Variants in ROBO2 observed in about 807,000 individuals in gnomAD.
ROBO2 encodes roundabout homolog 2.
ROBO2 carries 53 observed loss-of-function variants against 160.8 expected under a neutral mutation model. The observed-to-expected ratio is 0.33, with a 90% confidence interval of 0.26 to 0.41. The LOEUF (loss-of-function observed/expected upper bound fraction) is 0.41. Among genes scored for constraint, ROBO2 ranks in the 10% least tolerant of loss-of-function variants. ROBO2 has a pLI of 1.00. For missense variants in ROBO2, 1,577 were observed against 1,722.4 expected (o/e 0.92, Z 1.49); for synonymous variants, 664 against 611.7 (o/e 1.09, Z -1.26).
chr3:76,049,766 G>A (rs1380779945), intron 2 of ROBO2, among the ~76,000 whole-genome samples: 3 of 152,038 alleles, frequency 2.0e-5, no homozygotes, highest in Admixed American at 2.0e-4. Flanking sequence ...AGGAAGATAT[G>A]TGTGTGTCCC....
At chr3:77,471,112 T>A (rs996012635) in intron 2 of ROBO2, among the ~76,000 whole-genome samples, 5 of 152,252 alleles carry the variant, frequency 3.3e-5, no homozygotes, top group African/African-American at 1.2e-4. Flanking sequence ...TGGGATCATG[T>A]GCACATTGTG....
chr3:77,433,792 T>A (rs545283989), intron 2 of ROBO2, among the ~76,000 whole-genome samples: 1 of 152,106 alleles, frequency 6.6e-6, no homozygotes, highest in East Asian at 1.9e-4. Flanking sequence ...ACTGTCTCAG[T>A]AAATACATCC....
intron 1 of ROBO2, among the ~76,000 whole-genome samples, chr3:77,059,060 G>C (rs2066033486): frequency 6.6e-6 from 1 of 152,120 alleles, no homozygotes. Context: ...GAATTTTTAA[G>C]TATTATGAAA....
At chr3:75,954,584 C>A (rs913516576) in intron 2 of ROBO2, among the ~76,000 whole-genome samples, 12 of 151,952 alleles carry the variant, frequency 7.9e-5, no homozygotes, top group African/African-American at 2.9e-4. Context: ...CACAGTCTTA[C>A]ATCACATCAC....
intron 2 of ROBO2, among the ~76,000 whole-genome samples, chr3:77,278,465 A>C (rs1445592370): frequency 6.6e-6 from 1 of 152,180 alleles, no homozygotes; most frequent in African/African-American, 2.4e-5. Context: ...CAATTTTATG[A>C]ATTAGGCTAA....
At chr3:76,710,896 T>A (rs527343518) in intron 2 of ROBO2, among the ~76,000 whole-genome samples, 1 of 152,292 alleles carries the variant, frequency 6.6e-6, no homozygotes, top group Admixed American at 6.5e-5. Flanking sequence ...AGAAAGTAGT[T>A]CACGGCTAGC....
chr3:76,662,418 C>T (rs190238215), intron 2 of ROBO2, among the ~76,000 whole-genome samples: 107 of 151,964 alleles, frequency 7.0e-4, no homozygotes, highest in Middle Eastern at 3.4e-3. Context: ...CTTTTTTCTT[C>T]CCTTATTTTC....
chr3:76,812,752 A>G (rs1357201224), intron 2 of ROBO2, among the ~76,000 whole-genome samples: 2 of 152,024 alleles, frequency 1.3e-5, no homozygotes, highest in Admixed American at 1.3e-4. Context: ...ATATCCTGCC[A>G]ACACTTTTTA....
chr3:76,714,623 G>A (rs2093351040), intron 2 of ROBO2, among the ~76,000 whole-genome samples: 1 of 152,118 alleles, frequency 6.6e-6, no homozygotes, highest in Non-Finnish European at 1.5e-5. Flanking sequence ...ATAGTGACTA[G>A]GGGACCCCCA....
intron 2 of ROBO2, among the ~76,000 whole-genome samples, chr3:76,907,660 G>A (rs1018139274): frequency 7.2e-5 from 11 of 152,154 alleles, no homozygotes; most frequent in Admixed American, 4.6e-4. Context: ...GGTGCCCATT[G>A]TGTGCTGGGG....
chr3:76,129,382 C>T (rs760563003), intron 2 of ROBO2, among the ~76,000 whole-genome samples: 22 of 152,098 alleles, frequency 1.4e-4, no homozygotes, highest in Admixed American at 1.4e-3. Context: ...AATGTGTTCA[C>T]TTTTTATATT....
intron 2 of ROBO2, among the ~76,000 whole-genome samples, chr3:76,372,925 C>G (rs1299080877): frequency 6.6e-6 from 1 of 151,786 alleles, no homozygotes; most frequent in Non-Finnish European, 1.5e-5. Flanking sequence ...GGAGATCTTC[C>G]CTGAAGAATA....
chr3:76,481,834 T>A (rs1338443966), intron 2 of ROBO2, among the ~76,000 whole-genome samples: 1 of 152,068 alleles, frequency 6.6e-6, no homozygotes, highest in African/African-American at 2.4e-5. Flanking sequence ...ATGAGGTGAT[T>A]AGGTGGCCTT....
chr3:77,090,570 G>C (rs1446835252), intron 1 of ROBO2, among the ~76,000 whole-genome samples: 2 of 151,658 alleles, frequency 1.3e-5, no homozygotes, highest in Non-Finnish European at 2.9e-5. Flanking sequence ...TAGCCAGGAT[G>C]GTCTCGATCT....
intron 2 of ROBO2, among the ~76,000 whole-genome samples, chr3:76,728,517 A>G (rs908879105): frequency 6.6e-6 from 1 of 152,176 alleles, no homozygotes; most frequent in Non-Finnish European, 1.5e-5. Flanking sequence ...TTAAATCGCT[A>G]TCTTCGTGTG....
chr3:76,375,810 A>G (rs1414574923), intron 2 of ROBO2, among the ~76,000 whole-genome samples: 1 of 152,032 alleles, frequency 6.6e-6, no homozygotes, highest in African/African-American at 2.4e-5. Context: ...GTTTTGGGGG[A>G]AGATAAGAGT....
chr3:76,438,650 C>T (rs115024912), intron 2 of ROBO2, among the ~76,000 whole-genome samples: 1,631 of 151,972 alleles, frequency 0.011, 17 homozygotes, highest in South Asian at 0.047. Flanking sequence ...CTAATTTATA[C>T]AAGTATAAGT....
At chr3:77,396,484 G>T (rs1429892897) in intron 2 of ROBO2, among the ~76,000 whole-genome samples, 4 of 152,080 alleles carry the variant, frequency 2.6e-5, no homozygotes, top group African/African-American at 9.7e-5. Flanking sequence ...TCGTACTCTT[G>T]TAGTTACTGT....
chr3:77,035,030 T>G (rs2149576283), upstream of ROBO2, among the ~76,000 whole-genome samples: 1 of 152,066 alleles, frequency 6.6e-6, no homozygotes, highest in East Asian at 1.9e-4. Flanking sequence ...GCACACACAT[T>G]AACTCTAGCC....
Sources: gnomAD v4.1 joint callset for allele counts (sites outside exome capture counted in the v4.1 genomes callset) on GRCh38, gnomAD v4.1.1 for gene constraint, MANE v1.5 for transcripts, NCBI Gene and HGNC (gene_info 2026-07-23, HGNC 2026-07-21) for gene names.